LRRC4C: variants seen among roughly 807,000 people sequenced by gnomAD.
The protein encoded by LRRC4C is leucine rich repeat containing 4C.
Under a neutral mutation model 33.6 loss-of-function variants are expected in LRRC4C, and 5 were observed. That is an observed-to-expected ratio of 0.15 (90% confidence interval 0.08 to 0.31). LRRC4C has a LOEUF of 0.31. Ranked by LOEUF, LRRC4C falls within the 10% of genes least tolerant of loss-of-function variation. The pLI is 1.00. For missense variants in LRRC4C, 560 were observed against 796.7 expected, an observed-to-expected ratio of 0.70 and a Z score of 3.58; for synonymous variants, 329 against 302.0, an observed-to-expected ratio of 1.09 and a Z score of -0.93.
chr11:41,260,550 AC>A (rs1438520966), intron 1 of LRRC4C, among the ~76,000 whole-genome samples: 1 of 151,848 alleles, frequency 6.6e-6, no homozygotes, highest in Non-Finnish European at 1.5e-5. Context: ...ACTGTTAAGC[AC>A]CATAAGGACA....
At chr11:41,007,946 A>C (rs1854886740) in intron 1 of LRRC4C, among the ~76,000 whole-genome samples, 1 of 152,074 alleles carries the variant, frequency 6.6e-6, no homozygotes, top group Non-Finnish European at 1.5e-5. Flanking sequence ...TTGTTACTTA[A>C]ATCCAATCTC....
At chr11:40,943,270 TC>T (rs1958241019) in intron 1 of LRRC4C, among the ~76,000 whole-genome samples, 1 of 152,118 alleles carries the variant, frequency 6.6e-6, no homozygotes, top group Admixed American at 6.6e-5. Flanking sequence ...GCAGGTTATT[TC>T]CCCTCACACC....
chr11:41,369,981 T>C (rs2137769005), intron 1 of LRRC4C, among the ~76,000 whole-genome samples: 1 of 152,328 alleles, frequency 6.6e-6, no homozygotes, highest in East Asian at 1.9e-4. Flanking sequence ...AACAAAATTT[T>C]GAATTATTCA....
intron 6 of LRRC4C, among the ~76,000 whole-genome samples, chr11:40,119,224 G>A (rs1370918973): frequency 2.0e-5 from 3 of 152,232 alleles, no homozygotes; most frequent in East Asian, 1.9e-4. Context: ...ATATACCCAC[G>A]TTTACAAAAA....
rs1034151907 is a variant in LRRC4C, at chr11:40,433,635, T to A, written c.-269-113914A>T. 4.6e-5 allele frequency among the ~76,000 whole-genome samples: 7 copies of A among 152,218 alleles called. No homozygotes were observed. In the South Asian group the frequency reaches 1.4e-3, roughly 32 times the overall value. ...AAGTTTTGCCTCTCAGCAGCAGATA[T>A]ACTGCAGGAGAGAGAACATGTGCAT... On this transcript the variant is annotated intron_variant, in intron 3 of 6. Transcript: ENST00000528697.
At chr11:40,868,281 A>G (rs1954469033) in intron 2 of LRRC4C, among the ~76,000 whole-genome samples, 1 of 152,132 alleles carries the variant, frequency 6.6e-6, no homozygotes, top group South Asian at 2.1e-4. Flanking sequence ...ATGTGGTTTT[A>G]ATTGCCATAA....
intron 3 of LRRC4C, among the ~76,000 whole-genome samples, chr11:40,437,641 G>T (rs1027208148): frequency 4.0e-5 from 6 of 151,892 alleles, no homozygotes; most frequent in Admixed American, 6.6e-5. Context: ...TGATCCACAC[G>T]CCTCGACCTC....
At chr11:41,165,753 G>A (rs908137288) in intron 1 of LRRC4C, among the ~76,000 whole-genome samples, 1 of 152,108 alleles carries the variant, frequency 6.6e-6, no homozygotes, top group Non-Finnish European at 1.5e-5. Flanking sequence ...AAAGGGGCCG[G>A]GCATAGTGGC....
rs1170489858 is a variant in LRRC4C at position 40,504,293 on chromosome 11, A to G, written c.-270+143849T>C. Among the ~76,000 whole-genome samples, 4 of 152,290 alleles carry G rather than the reference A, an allele frequency of 2.6e-5. No individual in the cohort carries two copies. In the East Asian group the frequency reaches 7.7e-4, roughly 29 times the overall value. ...CTTTTGTGAGTTTAAAGACATAAAA[A>G]TATTCTGTATATTAACCTTTCCAAC... is the stretch of plus-strand genomic sequence containing the variant. On this transcript the variant is annotated intron_variant, in intron 3 of 6. Coordinates refer to ENST00000528697, the MANE Select transcript of LRRC4C (RefSeq NM_001258419.2).
intron 5 of LRRC4C, among the ~76,000 whole-genome samples, chr11:40,154,023 C>T (rs1400620671): frequency 6.6e-6 from 1 of 152,126 alleles, no homozygotes; most frequent in Non-Finnish European, 1.5e-5. Flanking sequence ...ATCTTAAGAG[C>T]TGTGACACAG....
At chr11:40,669,430 G>A (rs1011421869) in intron 2 of LRRC4C, among the ~76,000 whole-genome samples, 8 of 152,126 alleles carry the variant, frequency 5.3e-5, no homozygotes, top group African/African-American at 1.7e-4. Context: ...ACCTGGCTTC[G>A]GGAACCCATA....
At chr11:40,820,187 A>C (rs535154744) in intron 2 of LRRC4C, among the ~76,000 whole-genome samples, 1 of 152,222 alleles carries the variant, frequency 6.6e-6, no homozygotes, top group Non-Finnish European at 1.5e-5. Flanking sequence ...TGTCTAAGTA[A>C]TGTACTCATG....
chr11:40,473,830 C>T, intron 3 of LRRC4C, among the ~76,000 whole-genome samples: 1 of 152,168 alleles, frequency 6.6e-6, no homozygotes, highest in East Asian at 1.9e-4. Flanking sequence ...AGAGCCAAAT[C>T]ATGAGTGAAC....
intron 1 of LRRC4C, among the ~76,000 whole-genome samples, chr11:40,983,837 A>G (rs1418752186): frequency 6.6e-6 from 1 of 152,122 alleles, no homozygotes; most frequent in Non-Finnish European, 1.5e-5. Flanking sequence ...AAAAAGTCCA[A>G]CTGAAATTTC....
intron 2 of LRRC4C, among the ~76,000 whole-genome samples, chr11:40,653,468 G>T (rs1374272706): frequency 2.0e-5 from 3 of 152,172 alleles, no homozygotes; most frequent in Admixed American, 2.0e-4. Flanking sequence ...CAGCCCTGGA[G>T]ATCTGTGGAA....
chr11:40,611,557 A>G (rs1961218371), intron 3 of LRRC4C, among the ~76,000 whole-genome samples: 1 of 151,860 alleles, frequency 6.6e-6, no homozygotes, highest in African/African-American at 2.4e-5. Context: ...GCAAAGAAAT[A>G]ATCAACAGAG....
intron 2 of LRRC4C, among the ~76,000 whole-genome samples, chr11:40,723,313 T>C (rs2136698908): frequency 6.6e-6 from 1 of 151,588 alleles, no homozygotes; most frequent in South Asian, 2.1e-4. Context: ...CATCCGACTT[T>C]CTAAGATTAA....
intron 1 of LRRC4C, among the ~76,000 whole-genome samples, chr11:40,998,206 A>C (rs1854116869): frequency 6.6e-6 from 1 of 151,942 alleles, no homozygotes; most frequent in Admixed American, 6.6e-5. Context: ...ATATGTATAT[A>C]TTTTTTAAAA....
intron 1 of LRRC4C, among the ~76,000 whole-genome samples, chr11:41,188,807 G>A (rs1247656916): frequency 6.6e-6 from 1 of 150,850 alleles, no homozygotes; most frequent in Non-Finnish European, 1.5e-5. Flanking sequence ...TTATCTCTAA[G>A]CTTAGCTCTC....
Sources: gnomAD v4.1 joint callset for allele counts (sites outside exome capture counted in the v4.1 genomes callset) on GRCh38, gnomAD v4.1.1 for gene constraint, MANE v1.5 for transcripts, NCBI Gene and HGNC (gene_info 2026-07-23, HGNC 2026-07-21) for gene names.